IGSF1: variants seen among roughly 807,000 people sequenced by gnomAD.
The protein encoded by IGSF1 is immunoglobulin-like domain-containing protein 1.
In IGSF1, 40 loss-of-function variants were observed where a neutral mutation model predicts 95.3. The observed-to-expected ratio is 0.42, with a 90% CI of 0.33 to 0.55. The LOEUF is 0.55. IGSF1 is among the 20% of genes least tolerant of loss of function. The pLI is 0.10. For missense variants in IGSF1, 906 were observed against 1,025.4 expected (o/e 0.88, Z 1.59); for synonymous variants, 372 against 382.9 (o/e 0.97, Z 0.33).
At chrX:131,285,540 T>C in intron 4 of IGSF1, 74 bp from the exon 5 acceptor site, 1 of 1,037,517 alleles carries the variant, frequency 9.6e-7, no homozygotes, top group Non-Finnish European at 1.3e-6. Flanking sequence ...AGGAGAGCTC[T>C]ACTTTAATTG....
chrX:131,286,574 C>T (rs1391910321), intron 2 of IGSF1, 31 bp downstream of exon 2: 8 of 1,191,554 alleles, frequency 6.7e-6, no homozygotes, highest in East Asian at 3.0e-5. Flanking sequence ...ATGACAGGGT[C>T]ACTTGCCCCT....
chrX:131,274,261 C>T (rs2080450329), intron 18 of IGSF1, 55 bp from the exon 19 acceptor site: 1 of 1,190,893 alleles, frequency 8.4e-7, no homozygotes, highest in Non-Finnish European at 1.1e-6. Flanking sequence ...TGTGTATGTT[C>T]CCCTTGATCT....
In IGSF1 at chrX:131,287,666, G is replaced by A. The variant is rs1051479416; in HGVS notation, c.-67-925C>T. On this transcript the variant is annotated intron_variant, in intron 1 of 19. Transcript: ENST00000361420. ...GAATTGTTTGAATCTCAGGAAATAC[G>A]GCAAAGATATTTGAGTTCAGGGAGG... Among the ~76,000 whole-genome samples the A allele has an allele frequency of 8.1e-5, 9 of 111,343 alleles. No individual in the cohort carries two copies. The East Asian group carries it at 8.5e-4, about 10-fold the overall frequency.
intron 5 of IGSF1, chrX:131,284,556 G>C: frequency 4.0e-6 from 3 of 752,898 alleles, no homozygotes; most frequent in Non-Finnish European, 4.7e-6. Flanking sequence ...TCCAGGCCAT[G>C]GGGTGGGGGA....
chrX:131,278,801 C>G, intron 11 of IGSF1, 50 bp from the exon 12 acceptor site: 2 of 1,113,775 alleles, frequency 1.8e-6, no homozygotes, highest in Non-Finnish European at 2.5e-6. Flanking sequence ...CCTTCCCCTC[C>G]CTCCTCCTTG....
chrX:131,284,876 G>A, intron 5 of IGSF1: 1 of 786,107 alleles, frequency 1.3e-6, no homozygotes, highest in East Asian at 4.3e-5. Flanking sequence ...ATAAATACTG[G>A]TTGAATTAAT....
intron 4 of IGSF1, 45 bp from the exon 5 acceptor site, chrX:131,285,511 A>T: frequency 8.6e-7 from 1 of 1,159,825 alleles, no homozygotes; most frequent in African/African-American, 1.8e-5. Flanking sequence ...CAAGGATAGT[A>T]CTGTCTAGGG....
At position 131,273,775 on chromosome X, in the gene IGSF1, CT is replaced by C; in HGVS notation, c.*20del. 1 of 1,196,474 alleles carries C rather than the reference CT, an allele frequency of 8.4e-7. No homozygotes were observed. Among genetic ancestry groups the C allele is most frequent in the Non-Finnish European group, 1.1e-6 (1 of 886,438 alleles). ...GAGAGCAAGAGAGAGGAGAGGAAAGCTCTTGTAAAGGAGGAGATTATTATAT... is the reference window on the plus strand; with the variant it reads ...GAGAGCAAGAGAGAGGAGAGGAAAGCCTTGTAAAGGAGGAGATTATTATAT... On this transcript the variant is annotated 3_prime_UTR_variant, in exon 20 of 20. Transcript: ENST00000361420.
At position 131,275,763 on chromosome X, in the gene IGSF1, T is replaced by C; in HGVS notation, c.2899A>G (p.Thr967Ala). The stretch of plus-strand genomic sequence containing the variant: ...GCAAACAACCATGGCTTAGGGAATG[T>C]GTCTAGAAAGAGACCAAGGTTGTAA... ...SMPLMIWVTD[T>A]FPKPWLFAEP... is the part of the protein sequence containing the mutation. The change falls in exon 16 of 20, where the codon ACA (threonine) becomes GCA (alanine). Residue 967 changes from threonine (T) to alanine (A), a missense_variant and splice_region_variant. Physicochemically the swap from Thr to Ala is moderately conservative, Grantham distance 58. Around this residue, in one of 5 missense-constraint regions of IGSF1, gnomAD observed 411 missense variants for 494.9 expected, o/e 0.83. Transcript: ENST00000361420. 7.4e-6 allele frequency: 9 copies of C among 1,208,785 alleles called. No individual in the cohort carries two copies. The South Asian group carries it at 1.6e-4, about 21-fold the overall frequency.
At chrX:131,285,506 A>G in intron 4 of IGSF1, 40 bp from the exon 5 acceptor site, 2 of 1,170,775 alleles carry the variant, frequency 1.7e-6, no homozygotes, top group Non-Finnish European at 2.3e-6. Flanking sequence ...TAAAGCAAGG[A>G]TAGTACTGTC....
At position 131,276,082 on chromosome X, in the gene IGSF1, A is replaced by C. The variant is rs1364039638; in HGVS notation, c.2775T>G (p.Ala925=). The change falls in exon 15 of 20, where the codon GCT becomes GCG. Residue 925 remains alanine, a synonymous_variant. Transcript: ENST00000361420. ...LQFRSVSGNS[A]DFLLHTVGAE... ...CTCCAACAGTGTGGAGAAGGAAGTC[A>C]GCTGAGTTCCCTGAGACACTCCGAA... 1 of 1,211,131 alleles carries C rather than the reference A, an allele frequency of 8.3e-7. No homozygotes were observed. The highest frequency in any genetic ancestry group is 1.7e-5 in the African/African-American group (1 of 57,825).
In IGSF1 at chrX:131,285,269, C is replaced by T. The variant is rs766906335; in HGVS notation, c.577G>A (p.Asp193Asn). ...IFSIDNLTPEDEGVYICRTHI... is the reference protein window; with the variant it reads ...IFSIDNLTPENEGVYICRTHI... ...GTGCGGCAGATGTAAACCCCTTCAT[C>T]CTCAGGTGTCAGGTTGTCAATGGAG... is the stretch of plus-strand genomic sequence containing the variant. Residue 193 changes from aspartate to asparagine, a missense_variant, in exon 5 of 20, where the codon GAT becomes AAT. Physicochemically the swap from Asp to Asn is conservative, Grantham distance 23. Around this residue, in one of 5 missense-constraint regions of IGSF1, gnomAD observed 442 missense variants for 448.1 expected, o/e 0.99. Transcript: ENST00000361420. 1 of 1,211,417 alleles carries T rather than the reference C, an allele frequency of 8.3e-7. No individual in the cohort carries two copies. The highest frequency in any genetic ancestry group is 1.1e-6 in the Non-Finnish European group (1 of 895,193).
In IGSF1 at chrX:131,274,604, GC is replaced by G; in HGVS notation, c.3745del (p.Ala1249GlnfsTer11). The part of the protein sequence containing the change: ...EPSDPLELVG[A>X]AGPVAQECTV... The stretch of plus-strand genomic sequence containing the variant: ...TGGAGAGATTATTCTCTTACCTGCT[GC>G]CCCCACCAGCTCCAGGGGATCACTA... On this transcript the variant is annotated frameshift_variant, in exon 18 of 20. Coordinates refer to ENST00000361420, the MANE Select transcript of IGSF1 (RefSeq NM_001555.5). 1 of 1,210,006 alleles carries G rather than the reference GC, an allele frequency of 8.3e-7. No individual in the cohort carries two copies. Among genetic ancestry groups the G allele is most frequent in the Non-Finnish European group, 1.1e-6 (1 of 894,485 alleles).
At position 131,273,764 on chromosome X, in the gene IGSF1, G is replaced by A; in HGVS notation, c.*32C>T. 1 of 1,185,795 alleles carries A rather than the reference G, an allele frequency of 8.4e-7. No homozygotes were observed. Among genetic ancestry groups the A allele is most frequent in the Non-Finnish European group, 1.1e-6 (1 of 878,194 alleles). On this transcript the variant is annotated 3_prime_UTR_variant, in exon 20 of 20. Coordinates refer to ENST00000361420, the MANE Select transcript of IGSF1 (RefSeq NM_001555.5). ...TATAGGTCTCTGAGAGCAAGAGAGA[G>A]GAGAGGAAAGCTCTTGTAAAGGAGG...
intron 11 of IGSF1, 137 bp downstream of exon 11, chrX:131,279,006 C>T (rs774658446): frequency 5.5e-5 from 41 of 739,995 alleles, no homozygotes; most frequent in Admixed American, 3.9e-4. Flanking sequence ...TGAATTTTGC[C>T]AGCAGCTTTA....
In IGSF1 at chrX:131,274,672, G is replaced by A; in HGVS notation, c.3678C>T (p.Cys1226=). 3 of 1,211,373 alleles carry A rather than the reference G, an allele frequency of 2.5e-6. No individual in the cohort carries two copies. The highest frequency in any genetic ancestry group is 3.4e-6 in the Non-Finnish European group (3 of 894,896). ...CAGGGTAGGCCTGGAGGCGGTAGCT[G>A]CAGCTGTAGTTTCCAATGCCTTTTC... ...VEGKGIGNYS[C]SYRLQAYPDI... is the part of the protein sequence containing the mutation. The change falls in exon 18 of 20, where the codon TGC becomes TGT. Residue 1226 remains cysteine, a synonymous_variant. Coordinates refer to ENST00000361420, the MANE Select transcript of IGSF1 (RefSeq NM_001555.5).
At chrX:131,284,320 T>G (rs1018890035) in intron 5 of IGSF1, 1 of 165,239 alleles carries the variant, frequency 6.1e-6, no homozygotes, top group Non-Finnish European at 9.9e-6. Context: ...ACACAGTAGA[T>G]CAGATAGATA....
intron 1 of IGSF1, among the ~76,000 whole-genome samples, chrX:131,287,106 C>T (rs190220623): frequency 1.5e-4 from 15 of 102,637 alleles, no homozygotes; most frequent in Non-Finnish European, 2.4e-4. Context: ...TGTGTATATA[C>T]ATGTATATAT....
intron 7 of IGSF1, 125 bp from the exon 8 acceptor site, chrX:131,282,069 T>C: frequency 1.6e-6 from 1 of 618,229 alleles, no homozygotes; most frequent in South Asian, 3.1e-5. Context: ...GCCAGTGGCT[T>C]CAAGATTTGA....
Sources: gnomAD v4.1 joint callset for allele counts (sites outside exome capture counted in the v4.1 genomes callset) on GRCh38, gnomAD v4.1.1 for gene constraint, gnomAD v4.1.1 regional missense constraint, MANE v1.5 for transcripts, NCBI Gene and HGNC (gene_info 2026-07-23, HGNC 2026-07-21) for gene names.